Variants in ARHGEF28 observed in about 807,000 individuals in gnomAD.
The protein encoded by ARHGEF28 is Rho guanine nucleotide exchange factor 28, also known as 190 kDa guanine nucleotide exchange factor.
ARHGEF28 carries 152 observed loss-of-function variants against 206.6 expected under a neutral mutation model. The observed-to-expected ratio is 0.74, with a 90% CI of 0.64 to 0.84. ARHGEF28 has a LOEUF of 0.84. Among genes scored for constraint, ARHGEF28 ranks in the 40% least tolerant of loss-of-function variants. The pLI is 0.00. For missense variants in ARHGEF28, 2,028 were observed against 2,073.2 expected, an observed-to-expected ratio of 0.98 and a Z score of 0.42; for synonymous variants, 763 against 776.4, an observed-to-expected ratio of 0.98 and a Z score of 0.29.
At chr5:73,826,617 T>C (rs1455860778) in intron 9 of ARHGEF28, among the ~76,000 whole-genome samples, 1 of 152,202 alleles carries the variant, frequency 6.6e-6, no homozygotes, top group Non-Finnish European at 1.5e-5. Flanking sequence ...GTGGATTTTG[T>C]TGGAAATCAG....
chr5:73,923,717 C>A (rs975749951), intron 35 of ARHGEF28, among the ~76,000 whole-genome samples: 1 of 152,156 alleles, frequency 6.6e-6, no homozygotes, highest in African/African-American at 2.4e-5. Context: ...CTCAAACAAA[C>A]TTACAGGACT....
intron 2 of ARHGEF28, among the ~76,000 whole-genome samples, chr5:73,725,692 G>A (rs528864667): frequency 9.9e-5 from 15 of 152,256 alleles, no homozygotes; most frequent in African/African-American, 3.6e-4. Flanking sequence ...GGCTGTTTTC[G>A]TTGGTATTTG....
chr5:73,700,008 G>A (rs1748498203), intron 2 of ARHGEF28, among the ~76,000 whole-genome samples: 1 of 152,134 alleles, frequency 6.6e-6, no homozygotes, highest in African/African-American at 2.4e-5. Context: ...AAAAATGTAA[G>A]CTTTTAGGAG....
chr5:73,921,294 T>C (rs1763509080), intron 35 of ARHGEF28, among the ~76,000 whole-genome samples: 1 of 152,224 alleles, frequency 6.6e-6, no homozygotes, highest in Admixed American at 6.5e-5. Context: ...ATACTTGTGT[T>C]CTTAGTGGGT....
chr5:73,798,749 A>T (rs1185322192), intron 9 of ARHGEF28, among the ~76,000 whole-genome samples: 1 of 152,214 alleles, frequency 6.6e-6, no homozygotes, highest in Non-Finnish European at 1.5e-5. Context: ...AAATAAGAAA[A>T]AAAGGGTCTA....
chr5:73,844,151 A>G (rs1255345573), intron 11 of ARHGEF28, among the ~76,000 whole-genome samples: 1 of 152,228 alleles, frequency 6.6e-6, no homozygotes, highest in African/African-American at 2.4e-5. Context: ...TAGTAGCCCC[A>G]TTTGAATGAA....
chr5:73,753,270 A>G lies in ARHGEF28; in HGVS notation c.475+68A>G, dbSNP rs114390870. 2.2e-5 allele frequency: 32 copies of G among 1,447,900 alleles called. No homozygotes were observed. In the African/African-American group the frequency reaches 4.0e-4, roughly 18 times the overall value. The allele number at this position is 1,447,900 out of a possible 1,614,324, so 89.7% of individuals were successfully genotyped here. On this transcript the variant is annotated intron_variant, in intron 4 of 35. Transcript: ENST00000513042. ...AAGTTCAGAATGTACCTTATGCTAT[A>G]CTGTGTGTTCCCCTCGGCAGGTTTT...
At chr5:73,704,037 T>C (rs1328145978) in intron 2 of ARHGEF28, among the ~76,000 whole-genome samples, 1 of 132,820 alleles carries the variant, frequency 7.5e-6, no homozygotes, top group Non-Finnish European at 1.6e-5. Context: ...AAAAAAAAAA[T>C]TGTAAAAATA....
rs1332529433 is a variant in ARHGEF28, at chr5:73,882,576, G to T, written c.2919G>T (p.Lys973Asn). 6.7e-7 allele frequency: 1 copy of T among 1,497,980 alleles called. No homozygotes were observed. The highest frequency in any genetic ancestry group is 2.5e-5 in the Admixed American group (1 of 40,770). 92.8% of individuals were successfully genotyped at this position (1,497,980 alleles called of 1,614,324 possible). Residue 973 changes from lysine to asparagine, a missense_variant, in exon 23 of 36, where the codon AAG (lysine) becomes AAT (asparagine). By Grantham distance (94) the Lys-to-Asn change is moderately conservative. Coordinates refer to ENST00000513042, the MANE Select transcript of ARHGEF28 (RefSeq NM_001177693.2). ...TTAAAGAACTCCAGCAGAATAAAAA[G>T]TTTCAGAATTTTATTAAGGCAAGTA... is the stretch of plus-strand genomic sequence containing the variant. ...NLFKELQQNK[K>N]FQNFIKLRNS...
chr5:73,835,530 G>T (rs1306105023), intron 10 of ARHGEF28, among the ~76,000 whole-genome samples: 1 of 151,974 alleles, frequency 6.6e-6, no homozygotes, highest in African/African-American at 2.4e-5. Context: ...TGAATACATG[G>T]GGGTTCCTGG....
intron 7 of ARHGEF28, among the ~76,000 whole-genome samples, chr5:73,787,743 A>G (rs942655925): frequency 2.0e-5 from 3 of 152,142 alleles, no homozygotes; most frequent in Non-Finnish European, 2.9e-5. Context: ...TTACAGAGCA[A>G]TTCAGCCTTT....
intron 7 of ARHGEF28, among the ~76,000 whole-genome samples, chr5:73,782,774 C>T (rs563655899): frequency 1.3e-5 from 2 of 152,298 alleles, no homozygotes; most frequent in South Asian, 2.1e-4. Context: ...CACAGCTTCA[C>T]CTGAGTGCCT....
intron 23 of ARHGEF28, among the ~76,000 whole-genome samples, chr5:73,883,105 A>C (rs1463962043): frequency 6.6e-6 from 1 of 152,180 alleles, no homozygotes; most frequent in Non-Finnish European, 1.5e-5. Context: ...ACCAAGGTTC[A>C]CTTATTGTAT....
chr5:73,912,744 A>G (rs187246336), intron 35 of ARHGEF28, among the ~76,000 whole-genome samples: 1 of 152,356 alleles, frequency 6.6e-6, no homozygotes, highest in East Asian at 1.9e-4. Context: ...CCAAATTTTG[A>G]AAAATGTAAC....
intron 20 of ARHGEF28, 48 bp downstream of exon 20, chr5:73,868,275 G>C (rs1759842607): frequency 1.3e-6 from 2 of 1,517,866 alleles, no homozygotes. Flanking sequence ...GTTAGCATTT[G>C]CCAAAATGAC....
chr5:73,833,195 GT>G (rs1409711661), intron 10 of ARHGEF28, among the ~76,000 whole-genome samples: 1 of 152,178 alleles, frequency 6.6e-6, no homozygotes, highest in African/African-American at 2.4e-5. Flanking sequence ...TTCAAGGGTA[GT>G]TTTGATGACA....
At chr5:73,704,550 G>A (rs1748815172) in intron 2 of ARHGEF28, among the ~76,000 whole-genome samples, 1 of 151,944 alleles carries the variant, frequency 6.6e-6, no homozygotes, top group African/African-American at 2.4e-5. Flanking sequence ...TCAGCCTCCT[G>A]AGTAGCTGGC....
chr5:73,713,552 T>C (rs1375206393), intron 2 of ARHGEF28, among the ~76,000 whole-genome samples: 2 of 152,212 alleles, frequency 1.3e-5, no homozygotes, highest in Admixed American at 6.5e-5. Flanking sequence ...TCTGAACAGA[T>C]AGAAGTTCTA....
At chr5:73,770,375 C>A (rs1753156605) in intron 4 of ARHGEF28, among the ~76,000 whole-genome samples, 1 of 152,150 alleles carries the variant, frequency 6.6e-6, no homozygotes, top group Non-Finnish European at 1.5e-5. Context: ...AATGGCACAG[C>A]CTGTTCAGTT....
Sources: gnomAD v4.1 joint callset for allele counts (sites outside exome capture counted in the v4.1 genomes callset) on GRCh38, gnomAD v4.1.1 for gene constraint, MANE v1.5 for transcripts, NCBI Gene and HGNC (gene_info 2026-07-23, HGNC 2026-07-21) for gene names.